HERC1: variants seen among roughly 807,000 people sequenced by gnomAD.
HERC1 encodes the protein HECT and RLD domain containing E3 ubiquitin protein ligase family member 1.
A neutral mutation model predicts 554.3 loss-of-function variants in HERC1; 160 were observed. The ratio of observed to expected loss-of-function variants is 0.29; its 90% CI spans 0.25 to 0.33. HERC1 has a LOEUF of 0.33. Ranked by LOEUF, HERC1 falls within the 10% of genes least tolerant of loss-of-function variation. The probability of loss-of-function intolerance (pLI) is 1.00; values close to 1 mark genes in which losing one functional copy is unlikely to be tolerated. For missense variants in HERC1, 4,919 were observed against 5,918.5 expected (o/e 0.83, Z 5.54); for synonymous variants, 2,175 against 2,131.7 (o/e 1.02, Z -0.56).
intron 3 of HERC1, among the ~76,000 whole-genome samples, chr15:63,760,752 G>T (rs2075585041): frequency 6.6e-6 from 1 of 151,802 alleles, no homozygotes; most frequent in Non-Finnish European, 1.5e-5. Context: ...ACCCAATCAA[G>T]GGAATAAAAA....
intron 10 of HERC1, among the ~76,000 whole-genome samples, chr15:63,748,141 G>C (rs192460087): frequency 7.2e-5 from 11 of 152,020 alleles, no homozygotes; most frequent in African/African-American, 2.4e-4. Context: ...CAGGGGAATC[G>C]CTTGAACCTG....
At chr15:63,823,098 C>T (rs1441882640) in intron 1 of HERC1, among the ~76,000 whole-genome samples, 2 of 152,124 alleles carry the variant, frequency 1.3e-5, no homozygotes, top group Non-Finnish European at 2.9e-5. Flanking sequence ...TATTTCATCA[C>T]CCAGGTATTA....
intron 12 of HERC1, among the ~76,000 whole-genome samples, chr15:63,744,110 C>CTGTGTGTGTGTGTGTGTGTGTG (rs142936354): frequency 2.2e-4 from 21 of 93,408 alleles, no homozygotes; most frequent in East Asian, 9.0e-4. Context: ...CCCAAACAGA[C>CTGTGTGTGTGTGTGTGTGTGTG]TGTGTGTGTG....
At chr15:63,755,032 T>G (rs901378464) in intron 6 of HERC1, among the ~76,000 whole-genome samples, 197 bp downstream of exon 6, 3 of 152,234 alleles carry the variant, frequency 2.0e-5, no homozygotes, top group South Asian at 2.1e-4. Flanking sequence ...ACTCAGTAAA[T>G]GCTTGCTAGA....
chr15:63,747,794 G>A lies in HERC1; in HGVS notation c.2284C>T (p.Arg762Cys), dbSNP rs752872511. ...TCACAGTATCTCTCAAGAAAAGAAC[G>A]CAGGTGTGAGAAGGTACTCTCTTCA... Reference protein sequence around the residue: ...DLEESTFSHLRSFLERYCDKI... With the variant: ...DLEESTFSHLCSFLERYCDKI... Residue 762 changes from arginine (R) to cysteine (C), a missense_variant, in exon 11 of 78, where the codon CGT (arginine) becomes TGT (cysteine). Coordinates refer to ENST00000443617, the MANE Select transcript of HERC1 (RefSeq NM_003922.4). 4.5e-6 allele frequency: 7 copies of A among 1,545,008 alleles called. No individual in the cohort carries two copies. Among genetic ancestry groups the A allele is most frequent in the South Asian group, 1.2e-5 (1 of 83,682 alleles).
chr15:63,696,165 T>C lies in HERC1; in HGVS notation c.5080A>G (p.Thr1694Ala). 6.2e-7 allele frequency: 1 copy of C among 1,613,724 alleles called. No individual in the cohort carries two copies. Among genetic ancestry groups the C allele is most frequent in the Non-Finnish European group, 8.5e-7 (1 of 1,179,752 alleles). The change falls in exon 27 of 78, where the codon ACA (threonine) becomes GCA (alanine). Residue 1694 changes from threonine (T) to alanine (A), a missense_variant. Transcript: ENST00000443617. ...CGGCCACTCTCTCCCTTGCCTCCTGTGTGTCCAACAGTGCCTAAACCAAAA... is the reference window on the plus strand; with the variant it reads ...CGGCCACTCTCTCCCTTGCCTCCTGCGTGTCCAACAGTGCCTAAACCAAAA... ...GCFGLGTVGH[T>A]GGKGESGRLH...
chr15:63,642,975 A>C lies in HERC1; in HGVS notation c.11415T>G (p.Ala3805=). The C allele has an allele frequency of 6.2e-7, 1 of 1,602,836 alleles. No individual in the cohort carries two copies. The highest frequency in any genetic ancestry group is 8.5e-7 in the Non-Finnish European group (1 of 1,170,000). The change falls in exon 59 of 78, where the codon GCT becomes GCG. Residue 3805 remains alanine (A), a synonymous_variant. Transcript: ENST00000443617. ...TVWIPEVGVA[A]CSNRSKDVLV... is the part of the protein sequence containing the mutation. Reference sequence around the variant, plus strand: ...ATATTACCTTTGATCTATTTGAGCAAGCAGCTACTCCAACTTCTGGAATCC... The same window carrying C: ...ATATTACCTTTGATCTATTTGAGCACGCAGCTACTCCAACTTCTGGAATCC...
intron 1 of HERC1, among the ~76,000 whole-genome samples, chr15:63,804,419 T>C (rs2077075535): frequency 6.6e-6 from 1 of 151,892 alleles, no homozygotes; most frequent in South Asian, 2.1e-4. Flanking sequence ...AACCCGTCTC[T>C]ACTAAAAATA....
At chr15:63,728,056 C>T (rs914704905) in intron 16 of HERC1, among the ~76,000 whole-genome samples, 3 of 152,110 alleles carry the variant, frequency 2.0e-5, no homozygotes, top group Admixed American at 6.6e-5. Context: ...ATTCTCCGTA[C>T]CAACAAATTC....
At chr15:63,766,607 T>G (rs528740222) in intron 2 of HERC1, among the ~76,000 whole-genome samples, 1 of 152,362 alleles carries the variant, frequency 6.6e-6, no homozygotes, top group South Asian at 2.1e-4. Flanking sequence ...TTAATAAAGC[T>G]TATCAACTAT....
intron 1 of HERC1, among the ~76,000 whole-genome samples, chr15:63,798,651 T>C (rs1456961829): frequency 6.6e-6 from 1 of 152,154 alleles, no homozygotes; most frequent in African/African-American, 2.4e-5. Flanking sequence ...TTATTTAGGA[T>C]TGTCACTCCC....
intron 71 of HERC1, among the ~76,000 whole-genome samples, chr15:63,625,446 A>T (rs955110161): frequency 3.9e-5 from 6 of 152,114 alleles, no homozygotes; most frequent in Non-Finnish European, 7.4e-5. Context: ...TATTCTCAGC[A>T]CTTTGGGAGG....
At chr15:63,650,551 G>A (rs1214939968) in intron 53 of HERC1, among the ~76,000 whole-genome samples, 1 of 151,862 alleles carries the variant, frequency 6.6e-6, no homozygotes, top group East Asian at 1.9e-4. Flanking sequence ...CTGAGTCCCT[G>A]AGGTTCCAGG....
At chr15:63,776,913 G>C (rs1392066740) in intron 1 of HERC1, among the ~76,000 whole-genome samples, 1 of 152,208 alleles carries the variant, frequency 6.6e-6, no homozygotes, top group Non-Finnish European at 1.5e-5. Context: ...GCAAGCTGAA[G>C]TATATTTGAG....
rs2071267680 is a variant in HERC1 at position 63,677,457 on chromosome 15, C to A, written c.7070+388G>T. Among the ~76,000 whole-genome samples, 1 of 152,206 alleles carries A rather than the reference C, an allele frequency of 6.6e-6. No individual in the cohort carries two copies. Among genetic ancestry groups the A allele is most frequent in the Admixed American group, 6.5e-5 (1 of 15,282 alleles). ...TTCATATCCAATATTCAGAGCCTTG[C>A]TACCACAAAATGCAATGAACAGATT... On this transcript the variant is annotated intron_variant, in intron 37 of 77. Transcript: ENST00000443617. This position sits in a 1 kb window ranked among gnomAD's most constrained non-coding sequence, Gnocchi z 4.4.
At chr15:63,675,179 C>T (rs1165988483) in intron 37 of HERC1, 62 bp from the exon 38 acceptor site, 78 of 1,387,842 alleles carry the variant, frequency 5.6e-5, no homozygotes, top group African/African-American at 8.7e-5. Flanking sequence ...GAGGAAGGTA[C>T]GGAAAATAAT....
chr15:63,649,671 G>A, intron 54 of HERC1, 54 bp downstream of exon 54: 1 of 1,440,010 alleles, frequency 6.9e-7, no homozygotes, highest in Non-Finnish European at 9.6e-7. Flanking sequence ...AAAAAGCTAA[G>A]TCTAGAAAGG....
At chr15:63,723,508 T>G (rs1229107180) in intron 18 of HERC1, among the ~76,000 whole-genome samples, 153 bp from the exon 19 acceptor site, 3 of 152,226 alleles carry the variant, frequency 2.0e-5, no homozygotes, top group Non-Finnish European at 4.4e-5. Flanking sequence ...TGTTTTTCAG[T>G]TGGAGGTAGT....
At chr15:63,737,035 A>C (rs1050121128) in intron 12 of HERC1, among the ~76,000 whole-genome samples, 3 of 152,132 alleles carry the variant, frequency 2.0e-5, no homozygotes, top group Non-Finnish European at 2.9e-5. Flanking sequence ...AGTACATAGA[A>C]ACAAGAACAA....
Sources: allele counts gnomAD v4.1 joint callset (sites outside exome capture counted in the v4.1 genomes callset), GRCh38; gene constraint gnomAD v4.1.1; non-coding constraint Gnocchi (gnomAD v3.1); transcripts MANE v1.5; gene names NCBI Gene and HGNC (gene_info 2026-07-23, HGNC 2026-07-21).